The following ARNT variants were observed in gnomAD, a reference collection of about 807,000 sequenced individuals.
ARNT encodes aryl hydrocarbon receptor nuclear translocator.
In ARNT, 30 loss-of-function variants were observed where a neutral mutation model predicts 105.0. That is an observed-to-expected ratio of 0.29 (90% confidence interval 0.21 to 0.39). ARNT has a LOEUF of 0.39. Among genes scored for constraint, ARNT ranks in the 10% least tolerant of loss-of-function variants. The pLI, the probability that ARNT is intolerant of heterozygous loss-of-function variation, is 1.00. For missense variants in ARNT, 748 were observed against 978.7 expected (o/e 0.76, Z 3.15); for synonymous variants, 304 against 344.0 (o/e 0.88, Z 1.29).
At chr1:150,874,673 G>A (rs1667984966) in intron 1 of ARNT, among the ~76,000 whole-genome samples, 1 of 152,186 alleles carries the variant, frequency 6.6e-6, no homozygotes, top group Admixed American at 6.5e-5. Flanking sequence ...GGGCGACAGA[G>A]CAAGGAGCAA....
intron 2 of ARNT, among the ~76,000 whole-genome samples, chr1:150,856,644 T>C (rs1025718545): frequency 1.8e-4 from 27 of 151,804 alleles, no homozygotes; most frequent in Non-Finnish European, 2.6e-4. Context: ...ACGCCTGTAG[T>C]CCCAGCTGCT....
rs10305684 is a variant in ARNT at position 150,838,779 on chromosome 1, C to T, written c.486+662G>A. On this transcript the variant is annotated intron_variant, in intron 6 of 21. Transcript: ENST00000358595. The stretch of plus-strand genomic sequence containing the variant: ...CAGAAGTCTTCCCTAACCATCCTCA[C>T]TCAAGTCTAGCCATTCTATTCACTT... Among the ~76,000 whole-genome samples the T allele has an allele frequency of 1.4e-3, 218 of 152,328 alleles. 1 individual carries two copies. Among genetic ancestry groups the T allele is most frequent in the African/African-American group, 4.8e-3 (200 of 41,574 alleles).
At position 150,813,179 on chromosome 1, in the gene ARNT, A is replaced by G. The variant is rs587704498; in HGVS notation, c.2273T>C (p.Val758Ala). 4 of 1,612,664 alleles carry G rather than the reference A, an allele frequency of 2.5e-6. No homozygotes were observed. The highest frequency in any genetic ancestry group is 1.7e-5 in the Admixed American group (1 of 59,776). ...GTCTTTTCACTCTCTTACCTGGAAG[A>G]CCTCAGGCTGGCCAGGTTGCTGTGC... ...PPAQQPGQPE[V>A]FQEMLSMLGD... The change falls in exon 21 of 22, where the codon GTC (valine) becomes GCC (alanine). Residue 758 changes from valine (V) to alanine (A), a missense_variant. By Grantham distance (64) the Val-to-Ala change is moderately conservative. Around this residue, in one of 4 missense-constraint regions of ARNT, gnomAD observed 360 missense variants for 411.9 expected, o/e 0.87. Transcript: ENST00000358595.
intron 1 of ARNT, among the ~76,000 whole-genome samples, chr1:150,869,745 G>T (rs190696237): frequency 6.6e-6 from 1 of 151,828 alleles, no homozygotes; most frequent in Non-Finnish European, 1.5e-5. Context: ...TGGAGACAAG[G>T]TCTCCCTATA....
intron 12 of ARNT, 58 bp from the exon 13 acceptor site, chr1:150,826,675 G>C: frequency 1.5e-6 from 2 of 1,324,024 alleles, no homozygotes; most frequent in South Asian, 1.3e-5. Context: ...ATGGAGTTTC[G>C]CTCTTGTTGC....
At chr1:150,850,665 C>T (rs1663200119) in intron 3 of ARNT, among the ~76,000 whole-genome samples, 1 of 152,254 alleles carries the variant, frequency 6.6e-6, no homozygotes, top group Non-Finnish European at 1.5e-5. Context: ...GCCTTGGCTT[C>T]CCAAAGTGCC....
rs1660006236 is a variant in ARNT, at chr1:150,834,823, A to G, written c.701-183T>C. The G allele has an allele frequency of 5.8e-6, 3 of 513,896 alleles. No homozygotes were observed. In the South Asian group the frequency reaches 6.6e-5, roughly 11 times the overall value. The allele number at this position is 513,896 out of a possible 1,614,324, so 31.8% of individuals were successfully genotyped here. A position where few individuals can be genotyped will look rare whatever the true frequency, so the allele number is the denominator to read the frequency against. ...GCCTAAAATACTTCAATTATCATCA[A>G]TGAATCTCACTCTTAAGTTCAAAGG... On this transcript the variant is annotated intron_variant, in intron 7 of 21. Transcript: ENST00000358595.
intron 1 of ARNT, among the ~76,000 whole-genome samples, chr1:150,871,294 GTTT>G (rs754698911): frequency 7.4e-5 from 7 of 94,668 alleles, no homozygotes; most frequent in Admixed American, 1.3e-4. Flanking sequence ...GGCAGTCGTG[GTTT>G]TTTTTTTTTT....
chr1:150,859,506 C>G (rs1404424034), intron 1 of ARNT, among the ~76,000 whole-genome samples: 1 of 151,756 alleles, frequency 6.6e-6, no homozygotes, highest in Non-Finnish European at 1.5e-5. Context: ...ACCACCACAC[C>G]TCGGTGATTT....
chr1:150,846,373 TAAAC>T, intron 3 of ARNT, 66 bp from the exon 4 acceptor site: 1 of 1,515,730 alleles, frequency 6.6e-7, no homozygotes, highest in Non-Finnish European at 9.1e-7. Context: ...CTCTGAAAAG[TAAAC>T]TAGAAAGGGG....
intron 10 of ARNT, 57 bp downstream of exon 10, chr1:150,831,761 G>A: frequency 8.4e-7 from 1 of 1,194,348 alleles, no homozygotes; most frequent in Non-Finnish European, 1.2e-6. Flanking sequence ...AGCTTTCATG[G>A]ACTCTGTGAG....
intron 1 of ARNT, among the ~76,000 whole-genome samples, chr1:150,861,467 T>A (rs981342739): frequency 6.6e-6 from 1 of 152,174 alleles, no homozygotes; most frequent in Non-Finnish European, 1.5e-5. Flanking sequence ...TATTCAACAG[T>A]AGTCAAGGGT....
chr1:150,825,477 A>G (rs1486511135), intron 13 of ARNT, among the ~76,000 whole-genome samples: 1 of 152,210 alleles, frequency 6.6e-6, no homozygotes, highest in Non-Finnish European at 1.5e-5. Context: ...AATTCACCAG[A>G]TATTTTCAGG....
intron 1 of ARNT, among the ~76,000 whole-genome samples, chr1:150,866,044 G>A (rs587614994): frequency 6.6e-6 from 1 of 150,750 alleles, no homozygotes; most frequent in Admixed American, 6.6e-5. Context: ...GTGCAGTGGC[G>A]TGATCTCGGC....
At chr1:150,852,978 G>A in intron 2 of ARNT, 172 bp from the exon 3 acceptor site, 1 of 814,190 alleles carries the variant, frequency 1.2e-6, no homozygotes, top group Non-Finnish European at 2.0e-6. Flanking sequence ...TCCCAAACTA[G>A]GCAAAGAAGT....
intron 14 of ARNT, among the ~76,000 whole-genome samples, chr1:150,822,221 C>T: frequency 6.6e-6 from 1 of 151,824 alleles, no homozygotes; most frequent in South Asian, 2.1e-4. Flanking sequence ...ATAAGTGGAC[C>T]TGGATTTTTA....
chr1:150,845,700 AAG>A (rs1328127904), intron 4 of ARNT, among the ~76,000 whole-genome samples: 7 of 151,944 alleles, frequency 4.6e-5, no homozygotes, highest in Non-Finnish European at 7.4e-5. Context: ...TCAGGAGTTC[AAG>A]ATCACCCTGA....
intron 13 of ARNT, among the ~76,000 whole-genome samples, chr1:150,824,159 AT>A (rs755602809): frequency 2.2e-4 from 33 of 151,792 alleles, no homozygotes; most frequent in Middle Eastern, 3.4e-3. Flanking sequence ...AAGCTTTCTT[AT>A]TAGGTTGGTG....
chr1:150,816,501 T>G (rs918203831), intron 18 of ARNT, 95 bp from the exon 19 acceptor site: 1 of 1,406,956 alleles, frequency 7.1e-7, no homozygotes, highest in African/African-American at 1.5e-5. Flanking sequence ...CTAGATCCCC[T>G]TGACTTCCTG....
Sources: allele counts gnomAD v4.1 joint callset (sites outside exome capture counted in the v4.1 genomes callset), GRCh38; gene constraint gnomAD v4.1.1; regional missense constraint gnomAD v4.1.1; transcripts MANE v1.5; gene names NCBI Gene and HGNC (gene_info 2026-07-23, HGNC 2026-07-21).